Variants in NCR2 observed in about 807,000 individuals in gnomAD.
NCR2 encodes the protein NK cell activating receptor (NKp44).
In NCR2, 35 loss-of-function variants were observed where a neutral mutation model predicts 30.7. That is an observed-to-expected ratio of 1.14 (90% CI 0.87 to 1.51). NCR2 has a LOEUF of 1.51. Ranked by LOEUF, NCR2 falls within the 40% of genes most tolerant of loss-of-function variation. The pLI is 0.00. For missense variants in NCR2, 316 were observed against 328.9 expected (o/e 0.96, Z 0.30); for synonymous variants, 146 against 134.8 (o/e 1.08, Z -0.58).
intron 2 of NCR2, among the ~76,000 whole-genome samples, chr6:41,336,865 G>GA (rs1268699979): frequency 2.6e-5 from 4 of 151,514 alleles, no homozygotes; most frequent in South Asian, 4.2e-4. Context: ...AAGAATGAGT[G>GA]AAAAAAACTA....
intron 4 of NCR2, 92 bp downstream of exon 4, chr6:41,342,241 A>G: frequency 3.9e-6 from 6 of 1,521,956 alleles, no homozygotes; most frequent in Non-Finnish European, 5.3e-6. Flanking sequence ...GCCAGAGAAC[A>G]GAGGTGGAAA....
At chr6:41,345,985 T>C (rs1769290416) in intron 4 of NCR2, among the ~76,000 whole-genome samples, 1 of 152,094 alleles carries the variant, frequency 6.6e-6, no homozygotes, top group South Asian at 2.1e-4. Context: ...GTGGGGTCAG[T>C]GTCCTCTGTG....
chr6:41,338,208 A>G (rs187459253), intron 2 of NCR2, among the ~76,000 whole-genome samples: 103 of 152,348 alleles, frequency 6.8e-4, no homozygotes, highest in African/African-American at 2.4e-3. Flanking sequence ...TTCTTGTCTT[A>G]ATTAGGAATT....
At chr6:41,348,126 G>A (rs1769346818) in intron 4 of NCR2, among the ~76,000 whole-genome samples, 1 of 152,168 alleles carries the variant, frequency 6.6e-6, no homozygotes, top group South Asian at 2.1e-4. Context: ...GTATATTAAA[G>A]AATTCGTGCC....
Position 41,342,149 on chromosome 6 carries a change from G to C in NCR2, c.644G>C (p.Trp215Ser), listed in dbSNP as rs540750443. ...GTGCTGTCAGCCCTGCTCGTCTGGT[G>C]GTGAGTGTGGTGTGGGTTGAACTCG... ...SLVLSALLVW[W>S]GDIWWKTMME... The change falls in exon 4 of 5, where the codon TGG becomes TCG. Residue 215 changes from tryptophan (W) to serine (S), a missense_variant and splice_region_variant. Physicochemically the swap from Trp to Ser is radical, Grantham distance 177. Coordinates refer to ENST00000373089, the MANE Select transcript of NCR2 (RefSeq NM_004828.4). 4 of 1,612,484 alleles carry C rather than the reference G, an allele frequency of 2.5e-6. No individual in the cohort carries two copies. The South Asian group carries it at 4.4e-5, about 18-fold the overall frequency.
chr6:41,345,843 C>A (rs1769286404), intron 4 of NCR2, among the ~76,000 whole-genome samples: 1 of 152,188 alleles, frequency 6.6e-6, no homozygotes, highest in South Asian at 2.1e-4. Flanking sequence ...GTATGCTCAG[C>A]TTCTCTGAAC....
chr6:41,340,243 C>A (rs1273301332), intron 2 of NCR2, among the ~76,000 whole-genome samples: 1 of 151,910 alleles, frequency 6.6e-6, no homozygotes, highest in African/African-American at 2.4e-5. Flanking sequence ...CTCACTGCAA[C>A]CTCCACCTCC....
At position 41,341,828 on chromosome 6, in the gene NCR2, C is replaced by T. The variant is rs752046055; in HGVS notation, c.429C>T (p.Arg143=). 39 of 1,612,854 alleles carry T rather than the reference C, an allele frequency of 2.4e-5. No individual in the cohort carries two copies. The highest frequency in any genetic ancestry group is 8.9e-5 in the East Asian group (4 of 44,876). The change falls in exon 3 of 5, where the codon CGC becomes CGT. Residue 143 remains arginine (R), a synonymous_variant. Transcript: ENST00000373089. ...SASTQTSWTP[R]DLVSSQTQTQ... ...CCACACAGACCTCCTGGACTCCCCG[C>T]GACCTGGTCTCTTCACAGACCCAGA...
chr6:41,335,817 T>C lies in NCR2; in HGVS notation c.-60T>C. On this transcript the variant is annotated 5_prime_UTR_variant, in exon 1 of 5. Coordinates refer to ENST00000373089, the MANE Select transcript of NCR2 (RefSeq NM_004828.4). The stretch of plus-strand genomic sequence containing the variant: ...CAGCAGAATCAGGCCCAGCTCCCAA[T>C]TCCCTCTCCCCAGTCTTCTCCAGGT... 2 of 1,524,702 alleles carry C rather than the reference T, an allele frequency of 1.3e-6. No homozygotes were observed. Among genetic ancestry groups the C allele is most frequent in the Non-Finnish European group, 1.8e-6 (2 of 1,122,190 alleles). The allele number at this position is 1,524,702 out of a possible 1,614,324, so 94.4% of individuals were successfully genotyped here. A position where few individuals can be genotyped will look rare whatever the true frequency, so the allele number is the denominator to read the frequency against.
At chr6:41,344,644 C>G (rs1769254491) in intron 4 of NCR2, among the ~76,000 whole-genome samples, 1 of 152,204 alleles carries the variant, frequency 6.6e-6, no homozygotes, top group Non-Finnish European at 1.5e-5. Context: ...TTTTGGCAAG[C>G]CACATTTTCT....
At chr6:41,339,111 G>A (rs1246369779) in intron 2 of NCR2, among the ~76,000 whole-genome samples, 1 of 152,070 alleles carries the variant, frequency 6.6e-6, no homozygotes, top group Non-Finnish European at 1.5e-5. Context: ...GCTCTGTCTG[G>A]AGTGCAGTGG....
intron 4 of NCR2, among the ~76,000 whole-genome samples, chr6:41,344,926 G>T (rs1769266358): frequency 6.6e-6 from 1 of 152,112 alleles, no homozygotes; most frequent in Admixed American, 6.5e-5. Context: ...AGGACTCTTA[G>T]CTGTCCTTCC....
rs754546051 is a variant in NCR2 at position 41,336,087 on chromosome 6, G to T, written c.53G>T (p.Gly18Val). 1 of 1,611,588 alleles carries T rather than the reference G, an allele frequency of 6.2e-7. No homozygotes were observed. Among genetic ancestry groups the T allele is most frequent in the Non-Finnish European group, 8.5e-7 (1 of 1,178,406 alleles). Residue 18 changes from glycine (G) to valine (V), a missense_variant and splice_region_variant, in exon 2 of 5, where the codon GGC becomes GTC. Coordinates refer to ENST00000373089, the MANE Select transcript of NCR2 (RefSeq NM_004828.4). ...TATGCGTTACTTCATCATTCTCCAGGCTCTCAGGCACAATCCAAGGCTCAG... is the reference window on the plus strand; with the variant it reads ...TATGCGTTACTTCATCATTCTCCAGTCTCTCAGGCACAATCCAAGGCTCAG... ...PLLLLLLLFP[G>V]SQAQSKAQVL...
Position 41,350,668 on chromosome 6 carries a change from C to T in NCR2, c.645-10C>T. 2 of 1,611,196 alleles carry T rather than the reference C, an allele frequency of 1.2e-6. No individual in the cohort carries two copies. Among genetic ancestry groups the T allele is most frequent in the Non-Finnish European group, 1.7e-6 (2 of 1,178,826 alleles). On this transcript the variant is annotated splice_polypyrimidine_tract_variant and intron_variant, in intron 4 of 4. Transcript: ENST00000373089. The stretch of plus-strand genomic sequence containing the variant: ...CTGACCACCTTCCTGGTTTCCTGCT[C>T]TGATTGCAGGGGGGACATATGGTGG...
intron 4 of NCR2, chr6:41,342,886 G>C: frequency 6.5e-7 from 1 of 1,536,470 alleles, no homozygotes; most frequent in East Asian, 2.4e-5. Flanking sequence ...ACGGATTCAA[G>C]TCACTTCATG....
intron 2 of NCR2, among the ~76,000 whole-genome samples, chr6:41,340,838 C>T (rs946542499): frequency 6.6e-6 from 1 of 152,116 alleles, no homozygotes; most frequent in Non-Finnish European, 1.5e-5. Context: ...GCATCCTAGA[C>T]AGCCTCAGAG....
chr6:41,344,500 T>C (rs1360561824), intron 4 of NCR2, among the ~76,000 whole-genome samples: 1 of 152,230 alleles, frequency 6.6e-6, no homozygotes, highest in Admixed American at 6.5e-5. Context: ...TATTTTTCTT[T>C]ATTCCTACTT....
Position 41,341,947 on chromosome 6 carries a change from C to G in NCR2, c.530+18C>G. On this transcript the variant is annotated intron_variant, in intron 3 of 4. Transcript: ENST00000373089. ...CCTTCACAGTGAGTTTCGGGGTGCC[C>G]GTAGCCACACAGGCCTGGGCGGGGG... The G allele has an allele frequency of 1.2e-6, 2 of 1,612,594 alleles. No homozygotes were observed. Among genetic ancestry groups the G allele is most frequent in the Non-Finnish European group, 1.7e-6 (2 of 1,178,928 alleles).
intron 2 of NCR2, among the ~76,000 whole-genome samples, chr6:41,336,754 G>T (rs930172036): frequency 2.0e-5 from 3 of 152,166 alleles, no homozygotes; most frequent in South Asian, 2.1e-4. Flanking sequence ...GCCCAGGAAA[G>T]GTGCATCCAC....
Sources: gnomAD v4.1 joint callset for allele counts (sites outside exome capture counted in the v4.1 genomes callset) on GRCh38, gnomAD v4.1.1 for gene constraint, MANE v1.5 for transcripts, NCBI Gene and HGNC (gene_info 2026-07-23, HGNC 2026-07-21) for gene names.